COX8A: variants seen among roughly 807,000 people sequenced by gnomAD.
COX8A encodes cytochrome c oxidase subunit 8A, mitochondrial.
Under a neutral mutation model 4.4 loss-of-function variants are expected in COX8A, and 6 were observed. The observed-to-expected ratio is 1.36, with a 90% CI of 0.74 to 2.68. COX8A has a LOEUF of 2.68. Ranked by LOEUF, COX8A falls within the 30% of genes most tolerant of loss-of-function variation. The pLI, the probability that COX8A is intolerant of heterozygous loss-of-function variation, is 0.00. For synonymous variants in COX8A, 53 were observed against 47.1 expected, an observed-to-expected ratio of 1.12 and a Z score of -0.51; for missense variants, 72 against 89.6, an observed-to-expected ratio of 0.80 and a Z score of 0.79.
rs777466793 is a variant in COX8A, at chr11:63,976,294, C to A, written c.184C>A (p.Leu62Met). Residue 62 changes from leucine to methionine, a missense_variant, in exon 2 of 2, where the codon CTG becomes ATG. By Grantham distance (15) the Leu-to-Met change is conservative. Coordinates refer to ENST00000314133, the MANE Select transcript of COX8A (RefSeq NM_004074.3). Reference sequence around the variant, plus strand: ...GCCAGCGGGCTGGATCCTGTCACACCTGGAGACCTACAGGAGGCCAGAGTG... The same window carrying A: ...GCCAGCGGGCTGGATCCTGTCACACATGGAGACCTACAGGAGGCCAGAGTG... ...LLPAGWILSH[L>M]ETYRRPE 6.2e-7 allele frequency: 1 copy of A among 1,614,210 alleles called. No individual in the cohort carries two copies. The highest frequency in any genetic ancestry group is 1.1e-5 in the South Asian group (1 of 91,090).
chr11:63,975,073 G>C (rs1942527527), intron 1 of COX8A, among the ~76,000 whole-genome samples: 1 of 152,142 alleles, frequency 6.6e-6, no homozygotes, highest in African/African-American at 2.4e-5. Context: ...GCCTCCTGCC[G>C]ACTTCTTTAG....
intron 1 of COX8A, 31 bp from the exon 2 acceptor site, chr11:63,976,194 C>A: frequency 3.8e-6 from 6 of 1,598,216 alleles, no homozygotes; most frequent in Non-Finnish European, 5.1e-6. Context: ...ATACTGACTC[C>A]GAGGTGCCTT....
chr11:63,975,774 G>A (rs1275295327), intron 1 of COX8A, among the ~76,000 whole-genome samples: 3 of 151,942 alleles, frequency 2.0e-5, no homozygotes, highest in Non-Finnish European at 4.4e-5. Context: ...TAGAGACGGG[G>A]TTTCACCATG....
In COX8A at chr11:63,974,656, T is replaced by C. The variant is rs769823264; in HGVS notation, c.-25T>C. ...CTGACCTTGGGCTACGGCTGACCGTTTTTTGTGGTGTACTCCGTGCCATCA... is the reference window on the plus strand; with the variant it reads ...CTGACCTTGGGCTACGGCTGACCGTCTTTTGTGGTGTACTCCGTGCCATCA... On this transcript the variant is annotated 5_prime_UTR_variant, in exon 1 of 2. Transcript: ENST00000314133. 5 of 1,585,688 alleles carry C rather than the reference T, an allele frequency of 3.2e-6. No individual in the cohort carries two copies. Among genetic ancestry groups the C allele is most frequent in the African/African-American group, 2.7e-5 (2 of 74,392 alleles).
chr11:63,974,819 C>A, intron 1 of COX8A, 25 bp downstream of exon 1: 1 of 1,557,218 alleles, frequency 6.4e-7, no homozygotes, highest in Admixed American at 1.9e-5. Flanking sequence ...TGGAAGAGCG[C>A]GGGAGGCGCC....
chr11:63,974,647 G>A lies in COX8A; in HGVS notation c.-34G>A, dbSNP rs1249924472. 1 of 1,570,530 alleles carries A rather than the reference G, an allele frequency of 6.4e-7. No individual in the cohort carries two copies. Among genetic ancestry groups the A allele is most frequent in the Non-Finnish European group, 8.7e-7 (1 of 1,155,642 alleles). ...TTTGGCTTCCTGACCTTGGGCTACG[G>A]CTGACCGTTTTTTGTGGTGTACTCC... is the stretch of plus-strand genomic sequence containing the variant. On this transcript the variant is annotated 5_prime_UTR_variant, in exon 1 of 2. Transcript: ENST00000314133.
At chr11:63,974,988 T>G (rs2134296266) in intron 1 of COX8A, among the ~76,000 whole-genome samples, 194 bp downstream of exon 1, 1 of 151,944 alleles carries the variant, frequency 6.6e-6, no homozygotes, top group South Asian at 2.1e-4. Flanking sequence ...CGGCGTTAGG[T>G]CTTTCCCCAC....
At position 63,976,305 on chromosome 11, in the gene COX8A, CAGG is replaced by C; in HGVS notation, c.199_201del (p.Arg67del). ...GGATCCTGTCACACCTGGAGACCTA[CAGG>C]AGGCCAGAGTGAAGGGGTCCGTTCT... is the stretch of plus-strand genomic sequence containing the variant. On this transcript the variant is annotated inframe_deletion, in exon 2 of 2. Transcript: ENST00000314133. The C allele has an allele frequency of 6.2e-7, 1 of 1,614,174 alleles. No individual in the cohort carries two copies. The highest frequency in any genetic ancestry group is 8.5e-7 in the Non-Finnish European group (1 of 1,180,014).
chr11:63,976,398 C>G lies in COX8A; in HGVS notation c.*78C>G. 7.6e-7 allele frequency: 1 copy of G among 1,310,056 alleles called. No homozygotes were observed. Among genetic ancestry groups the G allele is most frequent in the Non-Finnish European group, 1.1e-6 (1 of 907,324 alleles). 81.2% of individuals were successfully genotyped at this position (1,310,056 alleles called of 1,614,324 possible). A position where few individuals can be genotyped will look rare whatever the true frequency, so the allele number is the denominator to read the frequency against. On this transcript the variant is annotated 3_prime_UTR_variant, in exon 2 of 2. Transcript: ENST00000314133. ...CCTGGTCATGTTACTGCATTTGTGGCCGGCCTCCCCTGGATCATGTCATTC... is the reference window on the plus strand; with the variant it reads ...CCTGGTCATGTTACTGCATTTGTGGGCGGCCTCCCCTGGATCATGTCATTC...
chr11:63,975,661 C>T (rs1351211933), intron 1 of COX8A, among the ~76,000 whole-genome samples: 2 of 151,936 alleles, frequency 1.3e-5, no homozygotes, highest in Non-Finnish European at 2.9e-5. Flanking sequence ...CTGCAACCTC[C>T]GCCTCCCAGG....
At chr11:63,975,794 C>G (rs976765942) in intron 1 of COX8A, among the ~76,000 whole-genome samples, 1 of 151,770 alleles carries the variant, frequency 6.6e-6, no homozygotes, top group Non-Finnish European at 1.5e-5. Context: ...GTTGGTCAGG[C>G]TGGTCTCTAA....
chr11:63,974,989 C>T (rs1353527041), intron 1 of COX8A, among the ~76,000 whole-genome samples, 195 bp downstream of exon 1: 1 of 152,130 alleles, frequency 6.6e-6, no homozygotes, highest in Non-Finnish European at 1.5e-5. Context: ...GGCGTTAGGT[C>T]TTTCCCCACA....
chr11:63,976,086 G>T, intron 1 of COX8A, 139 bp from the exon 2 acceptor site: 1 of 765,162 alleles, frequency 1.3e-6, no homozygotes, highest in Non-Finnish European at 2.3e-6. Context: ...TTCCTTTAAC[G>T]TGAGGATGCG....
Position 63,974,666 on chromosome 11 carries a change from G to GTACTCCGTGCCA in COX8A, c.-13_-2dup. The GTACTCCGTGCCA allele has an allele frequency of 6.3e-7, 1 of 1,593,954 alleles. No homozygotes were observed. The highest frequency in any genetic ancestry group is 8.6e-7 in the Non-Finnish European group (1 of 1,169,340). ...GCTACGGCTGACCGTTTTTTGTGGT[G>GTACTCCGTGCCA]TACTCCGTGCCATCATGTCCGTCCT... On this transcript the variant is annotated 5_prime_UTR_variant, in exon 1 of 2. Transcript: ENST00000314133.
rs1219277306 is a variant in COX8A, at chr11:63,976,543, A to T, written c.*223A>T. 4 of 547,042 alleles carry T rather than the reference A, an allele frequency of 7.3e-6. No individual in the cohort carries two copies. The highest frequency in any genetic ancestry group is 1.3e-5 in the Non-Finnish European group (4 of 304,386). The allele number at this position is 547,042 out of a possible 1,614,324, so 33.9% of individuals were successfully genotyped here. ...TAACAATAAAATCTATTTAAACTTT[A>T]CTTCAGAAATTCATTGTGCCTTCCC... On this transcript the variant is annotated 3_prime_UTR_variant, in exon 2 of 2. Coordinates refer to ENST00000314133, the MANE Select transcript of COX8A (RefSeq NM_004074.3).
chr11:63,974,878 C>A, intron 1 of COX8A, 84 bp downstream of exon 1: 2 of 1,225,210 alleles, frequency 1.6e-6, no homozygotes, highest in Non-Finnish European at 2.2e-6. Context: ...CCTGAGAATG[C>A]CTCGCGCCCC....
Position 63,974,697 on chromosome 11 carries a change from CGCT to C in COX8A, c.26_28del (p.Leu9del). The C allele has an allele frequency of 6.2e-7, 1 of 1,608,926 alleles. No homozygotes were observed. The highest frequency in any genetic ancestry group is 8.5e-7 in the Non-Finnish European group (1 of 1,177,710). ...CGTGCCATCATGTCCGTCCTGACGC[CGCT>C]GCTGCTGCGGGGCTTGACAGGCTCG... On this transcript the variant is annotated inframe_deletion, in exon 1 of 2. Coordinates refer to ENST00000314133, the MANE Select transcript of COX8A (RefSeq NM_004074.3).
intron 1 of COX8A, among the ~76,000 whole-genome samples, chr11:63,975,875 C>A (rs1421916693): frequency 1.3e-5 from 2 of 152,192 alleles, no homozygotes; most frequent in Non-Finnish European, 2.9e-5. Context: ...CCACCATGCC[C>A]GGCCCAGACC....
At position 63,975,332 on chromosome 11, in the gene COX8A, C is replaced by A. The variant is rs924875216; in HGVS notation, c.114+538C>A. On this transcript the variant is annotated intron_variant, in intron 1 of 1. Transcript: ENST00000314133. ...TAGCTGGGACTACAGGCGCGTGCCA[C>A]CATGCCCAACTAAATTTTGTATTTT... Among the ~76,000 whole-genome samples the A allele has an allele frequency of 2.0e-5, 3 of 151,858 alleles. No individual in the cohort carries two copies. In the South Asian group the frequency reaches 6.2e-4, roughly 32 times the overall value.
Sources: allele counts gnomAD v4.1 joint callset (sites outside exome capture counted in the v4.1 genomes callset), GRCh38; gene constraint gnomAD v4.1.1; transcripts MANE v1.5; gene names NCBI Gene and HGNC (gene_info 2026-07-23, HGNC 2026-07-21).